LSM3: variants seen among roughly 807,000 people sequenced by gnomAD.
The protein encoded by LSM3 is LSM3 homolog, U6 small nuclear RNA and mRNA degradation associated.
A neutral mutation model predicts 15.4 loss-of-function variants in LSM3; 14 were observed. The ratio of observed to expected loss-of-function variants is 0.91; its 90% CI spans 0.60 to 1.42. The LOEUF is 1.42. LSM3 is among the 40% of genes most tolerant of loss of function. LSM3 has a pLI of 0.00. For missense variants in LSM3, 88 were observed against 127.9 expected (o/e 0.69, Z 1.50); for synonymous variants, 46 against 45.1 (o/e 1.02, Z -0.08).
intron 2 of LSM3, among the ~76,000 whole-genome samples, chr3:14,182,161 G>A (rs1030485171): frequency 3.3e-5 from 5 of 152,096 alleles, no homozygotes; most frequent in African/African-American, 1.2e-4. Context: ...TCTCTGTGTT[G>A]CCAGCCTGGG....
intron 3 of LSM3, among the ~76,000 whole-genome samples, chr3:14,193,458 T>G (rs543871295): frequency 2.0e-4 from 30 of 152,380 alleles, no homozygotes; most frequent in African/African-American, 6.7e-4. Context: ...CCATATTTCT[T>G]GGAGGCTTTG....
chr3:14,195,650 A>G (rs1185073021), intron 3 of LSM3, among the ~76,000 whole-genome samples: 3 of 152,216 alleles, frequency 2.0e-5, no homozygotes, highest in Non-Finnish European at 4.4e-5. Flanking sequence ...AGGAGCCCAT[A>G]GCAATGGTCT....
Position 14,198,475 on chromosome 3 carries a change from G to A in LSM3, c.*359G>A. On this transcript the variant is annotated 3_prime_UTR_variant, in exon 4 of 4. Coordinates refer to ENST00000306024, the MANE Select transcript of LSM3 (RefSeq NM_014463.3). ...CTGTCTTGTGAATTATTTAAAGTAA[G>A]CATGTCTTACCTTCACTTAGCACAC... 1 of 237,786 alleles carries A rather than the reference G, an allele frequency of 4.2e-6. No homozygotes were observed. Among genetic ancestry groups the A allele is most frequent in the South Asian group, 6.7e-5 (1 of 14,872 alleles). 14.7% of individuals were successfully genotyped at this position (237,786 alleles called of 1,614,324 possible).
chr3:14,187,085 A>G (rs1028087037), intron 3 of LSM3, among the ~76,000 whole-genome samples: 3 of 152,200 alleles, frequency 2.0e-5, no homozygotes, highest in Non-Finnish European at 4.4e-5. Flanking sequence ...AGAAGGGAAC[A>G]CTGCCACTTA....
In LSM3 at chr3:14,181,074, ACCAGTTGGCAG is replaced by A. The variant is rs1697033743; in HGVS notation, c.22-483_22-473del. 6.6e-5 allele frequency among the ~76,000 whole-genome samples: 10 copies of A among 151,848 alleles called. No homozygotes were observed. In the South Asian group the frequency reaches 2.1e-3, roughly 32 times the overall value. On this transcript the variant is annotated intron_variant, in intron 1 of 3. Transcript: ENST00000306024. ...GCTACTAAATATATTTATCTTATTCACCAGTTGGCAGCCTAAACTCAACCTGTGCTGAATTC... is the reference window on the plus strand; with the variant it reads ...GCTACTAAATATATTTATCTTATTCACCTAAACTCAACCTGTGCTGAATTC...
intron 3 of LSM3, among the ~76,000 whole-genome samples, chr3:14,186,197 G>C (rs1183729382): frequency 1.3e-5 from 2 of 152,236 alleles, no homozygotes; most frequent in African/African-American, 4.8e-5. Context: ...GTAGCAGAAA[G>C]AAAGGTCTTT....
intron 3 of LSM3, among the ~76,000 whole-genome samples, chr3:14,186,399 TAC>T (rs1269861739): frequency 8.5e-5 from 13 of 152,210 alleles, no homozygotes; most frequent in Admixed American, 8.5e-4. Context: ...ACCCACTTCA[TAC>T]AACTGTGGAG....
chr3:14,181,539 T>A, intron 1 of LSM3, 21 bp from the exon 2 acceptor site: 1 of 1,484,758 alleles, frequency 6.7e-7, no homozygotes, highest in East Asian at 2.3e-5. Flanking sequence ...ACTACATTAC[T>A]AATCCTGTTT....
chr3:14,189,321 A>T (rs1697118241), intron 3 of LSM3, among the ~76,000 whole-genome samples: 1 of 152,198 alleles, frequency 6.6e-6, no homozygotes, highest in African/African-American at 2.4e-5. Flanking sequence ...TATGCCCAGT[A>T]ATGGGATTCC....
intron 3 of LSM3, among the ~76,000 whole-genome samples, chr3:14,196,780 G>A (rs552324725): frequency 6.6e-6 from 1 of 152,330 alleles, no homozygotes; most frequent in Non-Finnish European, 1.5e-5. Context: ...TATTATGCTG[G>A]AAGACGCAAA....
intron 2 of LSM3, among the ~76,000 whole-genome samples, chr3:14,182,332 A>G (rs537146387): frequency 2.0e-4 from 31 of 151,334 alleles, no homozygotes; most frequent in African/African-American, 6.8e-4. Flanking sequence ...CATGTTTTTC[A>G]GTACCTTTTT....
chr3:14,185,310 C>G (rs1247498643), intron 3 of LSM3, among the ~76,000 whole-genome samples: 1 of 152,126 alleles, frequency 6.6e-6, no homozygotes, highest in Admixed American at 6.5e-5. Context: ...TGAGATCGTG[C>G]TACTGTACTC....
chr3:14,194,228 G>A (rs909809860), intron 3 of LSM3, among the ~76,000 whole-genome samples: 7 of 152,098 alleles, frequency 4.6e-5, no homozygotes, highest in East Asian at 1.9e-4. Context: ...CATTATACAC[G>A]GGGGTCAGGG....
Position 14,178,862 on chromosome 3 carries a change from TGGCG to T in LSM3, c.4_7del (p.Ala2_?3). ...GGGAAAGGGCGCAGGGTTTGAAACATGGCGGACGACGTAGACCAGGTAAGTGTAT... is the reference window on the plus strand; with the variant it reads ...GGGAAAGGGCGCAGGGTTTGAAACATGACGACGTAGACCAGGTAAGTGTAT... On this transcript the variant is annotated frameshift_variant and start_lost, in exon 1 of 4. Transcript: ENST00000306024. LOFTEE classifies it high-confidence loss of function. 6.2e-7 allele frequency: 1 copy of T among 1,614,242 alleles called. No homozygotes were observed. Among genetic ancestry groups the T allele is most frequent in the Non-Finnish European group, 8.5e-7 (1 of 1,180,044 alleles).
chr3:14,188,114 C>T (rs190978177), intron 3 of LSM3, among the ~76,000 whole-genome samples: 2 of 152,312 alleles, frequency 1.3e-5, no homozygotes, highest in African/African-American at 4.8e-5. Flanking sequence ...AATAATAGAA[C>T]TGTCTGCAGC....
In LSM3 at chr3:14,187,477, T is replaced by C. The variant is rs80159408; in HGVS notation, c.228+3445T>C. Among the ~76,000 whole-genome samples the C allele has an allele frequency of 5.7e-3, 862 of 152,334 alleles. 7 individuals carry two copies. The highest frequency in any genetic ancestry group is 0.02 in the African/African-American group (826 of 41,562). On this transcript the variant is annotated intron_variant, in intron 3 of 3. Coordinates refer to ENST00000306024, the MANE Select transcript of LSM3 (RefSeq NM_014463.3). ...GGATGACTGAGAATACTTTAGTGTG[T>C]AAATGTGTATTAACTATAGACATAG...
At chr3:14,188,542 C>T (rs1405454120) in intron 3 of LSM3, among the ~76,000 whole-genome samples, 2 of 152,220 alleles carry the variant, frequency 1.3e-5, no homozygotes, top group African/African-American at 4.8e-5. Flanking sequence ...CACCCCCAGA[C>T]ATAAGCACTA....
chr3:14,187,228 T>G (rs567874430), intron 3 of LSM3, among the ~76,000 whole-genome samples: 1 of 152,288 alleles, frequency 6.6e-6, no homozygotes, highest in East Asian at 1.9e-4. Context: ...CTGGGTGGGG[T>G]GTCTGTAACA....
intron 3 of LSM3, among the ~76,000 whole-genome samples, chr3:14,194,714 G>T: frequency 6.9e-6 from 1 of 145,952 alleles, no homozygotes; most frequent in African/African-American, 2.5e-5. Context: ...AATTCTGGGT[G>T]AAATTCATCA....
Sources: gnomAD v4.1 joint callset for allele counts (sites outside exome capture counted in the v4.1 genomes callset) on GRCh38, gnomAD v4.1.1 for gene constraint, MANE v1.5 for transcripts, NCBI Gene and HGNC (gene_info 2026-07-23, HGNC 2026-07-21) for gene names.